KAT14: variants seen among roughly 807,000 people sequenced by gnomAD.
KAT14 encodes the protein lysine acetyltransferase 14.
A neutral mutation model predicts 78.4 loss-of-function variants in KAT14; 66 were observed. That is an observed-to-expected ratio of 0.84 (90% CI 0.69 to 1.03). KAT14 has a LOEUF of 1.03. Among genes scored for constraint, KAT14 ranks in the 50% least tolerant of loss-of-function variants. The pLI is 0.00. For missense variants in KAT14, 870 were observed against 972.5 expected (o/e 0.89, Z 1.40); for synonymous variants, 344 against 359.4 (o/e 0.96, Z 0.48).
At position 18,175,793 on chromosome 20, in the gene KAT14, C is replaced by T. The variant is rs2039016711; in HGVS notation, c.1669-5917C>T. Among the ~76,000 whole-genome samples, 3 of 151,716 alleles carry T rather than the reference C, an allele frequency of 2.0e-5. No homozygotes were observed. The South Asian group carries it at 6.3e-4, about 32-fold the overall frequency. ...CAGCACTTTGGGAGGCCAAGGCAGG[C>T]AGATCACTTGAGCTCAGGAGTTTGA... On this transcript the variant is annotated intron_variant, in intron 7 of 10. Transcript: ENST00000688188.
At chr20:18,153,235 A>T (rs1273811653) in intron 4 of KAT14, among the ~76,000 whole-genome samples, 1 of 152,058 alleles carries the variant, frequency 6.6e-6, no homozygotes, top group Non-Finnish European at 1.5e-5. Context: ...GGTAGTCAGA[A>T]GGAGGGTGAC....
At chr20:18,168,908 T>C (rs1400268339) in intron 7 of KAT14, among the ~76,000 whole-genome samples, 1 of 152,198 alleles carries the variant, frequency 6.6e-6, no homozygotes, top group Non-Finnish European at 1.5e-5. Flanking sequence ...CTTCTATTCC[T>C]TTCTGTCTTC....
chr20:18,160,854 A>G (rs967668575), intron 5 of KAT14, among the ~76,000 whole-genome samples: 2 of 152,106 alleles, frequency 1.3e-5, no homozygotes, highest in African/African-American at 4.8e-5. Context: ...CAAAATTTTA[A>G]TCAGGATTGC....
At chr20:18,141,023 A>ATTTTT (rs67633205) in intron 1 of KAT14, among the ~76,000 whole-genome samples, 654 of 48,394 alleles carry the variant, frequency 0.014, 6 homozygotes, top group African/African-American at 0.025. Flanking sequence ...ACTCCCTGCA[A>ATTTTT]TTTTTTTTTT....
At chr20:18,137,291 A>AATT (rs74179174), upstream of KAT14, among the ~76,000 whole-genome samples, 1 of 122,428 alleles carries the variant, frequency 8.2e-6, no homozygotes, top group Non-Finnish European at 1.7e-5. Context: ...TCTGTATCAA[A>AATT]ATTATAATAA....
chr20:18,180,675 A>C (rs1466237646), intron 7 of KAT14, among the ~76,000 whole-genome samples: 1 of 152,222 alleles, frequency 6.6e-6, no homozygotes, highest in Non-Finnish European at 1.5e-5. Flanking sequence ...CCTCAGAATC[A>C]TGGCAGGAGG....
Position 18,150,845 on chromosome 20 carries a change from T to C in KAT14, c.403T>C (p.Leu135=). ...GGTCGTCATGTTGGCAATGTACAAC[T>C]TGTCTCTGGAAGGAAGTGGACGTCA... ...QQVVMLAMYN[L]SLEGSGRQGY... The change falls in exon 4 of 11, where the codon TTG becomes CTG. Residue 135 remains leucine (L), a synonymous_variant. Coordinates refer to ENST00000688188, the MANE Select transcript of KAT14 (RefSeq NM_001392073.1). 6.2e-7 allele frequency: 1 copy of C among 1,614,104 alleles called. No homozygotes were observed. The highest frequency in any genetic ancestry group is 8.5e-7 in the Non-Finnish European group (1 of 1,179,964).
intron 7 of KAT14, among the ~76,000 whole-genome samples, chr20:18,172,124 CAG>C (rs2038865795): frequency 6.6e-6 from 1 of 151,696 alleles, no homozygotes; most frequent in South Asian, 2.1e-4. Context: ...TTATTTGAGA[CAG>C]AGTCTCACTC....
chr20:18,137,844 G>T, upstream of KAT14: 1 of 1,128,976 alleles, frequency 8.9e-7, no homozygotes, highest in South Asian at 2.0e-5. Flanking sequence ...GACGGCTGGG[G>T]CTCTGCGCTC....
intron 3 of KAT14, among the ~76,000 whole-genome samples, chr20:18,145,857 T>C (rs373077866): frequency 6.6e-6 from 1 of 152,196 alleles, no homozygotes; most frequent in Non-Finnish European, 1.5e-5. Flanking sequence ...ATTTCTTTTA[T>C]ATGTGATACC....
chr20:18,187,131 T>C (rs1189504280), intron 10 of KAT14, among the ~76,000 whole-genome samples, 155 bp from the exon 11 acceptor site: 1 of 152,228 alleles, frequency 6.6e-6, no homozygotes, highest in Non-Finnish European at 1.5e-5. Flanking sequence ...TCATTCTGTT[T>C]CCAGCTGTTG....
Position 18,184,772 on chromosome 20 carries a change from A to T in KAT14, c.2152A>T (p.Met718Leu). 6.2e-7 allele frequency: 1 copy of T among 1,608,134 alleles called. No homozygotes were observed. Among genetic ancestry groups the T allele is most frequent in the Non-Finnish European group, 8.5e-7 (1 of 1,178,226 alleles). ...GAGAAGAGCAGGGATTGCAACTTTC[A>T]TGATCTATCATCTGATTCAGGTAAG... is the stretch of plus-strand genomic sequence containing the variant. ...EWRRAGIATF[M>L]IYHLIQTCMG... Residue 718 changes from methionine (M) to leucine (L), a missense_variant, in exon 10 of 11, where the codon ATG becomes TTG. Coordinates refer to ENST00000688188, the MANE Select transcript of KAT14 (RefSeq NM_001392073.1).
intron 9 of KAT14, 28 bp downstream of exon 9, chr20:18,183,326 G>A (rs759723378): frequency 1.2e-6 from 2 of 1,604,248 alleles, no homozygotes; most frequent in Non-Finnish European, 1.7e-6. Context: ...AACCAGGCAG[G>A]TCATTTTTCT....
At chr20:18,165,523 C>G (rs924343779) in intron 7 of KAT14, among the ~76,000 whole-genome samples, 1 of 152,200 alleles carries the variant, frequency 6.6e-6, no homozygotes, top group Non-Finnish European at 1.5e-5. Flanking sequence ...GAGCATAGCC[C>G]TGCCCACACT....
chr20:18,186,941 AAGGTTATCATAGTGTT>A (rs1365017982), intron 10 of KAT14, among the ~76,000 whole-genome samples: 53 of 152,320 alleles, frequency 3.5e-4, no homozygotes, highest in African/African-American at 1.3e-3. Flanking sequence ...GTATTTATTC[AAGGTTATCATAGTGTT>A]AGGTATTGAA....
intron 7 of KAT14, among the ~76,000 whole-genome samples, chr20:18,172,341 C>A (rs1162617517): frequency 1.3e-5 from 2 of 151,840 alleles, no homozygotes; most frequent in Non-Finnish European, 2.9e-5. Context: ...ACCTCGTGAT[C>A]CGCCCGCCTC....
Position 18,138,321 on chromosome 20 carries a change from C to T in KAT14, c.-454+270C>T, listed in dbSNP as rs547790393. Reference sequence around the variant, plus strand: ...CCTTTGGAGCTCCGCGCTGAAGGGGCCTTGCTCCGCACAGGCACGGCACGC... The same window carrying T: ...CCTTTGGAGCTCCGCGCTGAAGGGGTCTTGCTCCGCACAGGCACGGCACGC... On this transcript the variant is annotated intron_variant, in intron 1 of 10. Transcript: ENST00000688188. 2.4e-5 allele frequency: 28 copies of T among 1,152,118 alleles called. No homozygotes were observed. In the South Asian group the frequency reaches 8.4e-4, roughly 34 times the overall value. 71.4% of individuals were successfully genotyped at this position (1,152,118 alleles called of 1,614,324 possible).
At chr20:18,168,542 T>C (rs575835791) in intron 7 of KAT14, among the ~76,000 whole-genome samples, 2 of 152,098 alleles carry the variant, frequency 1.3e-5, no homozygotes, top group African/African-American at 4.8e-5. Context: ...AAAAAAAATT[T>C]TTTTTGTTTC....
chr20:18,138,230 C>A, intron 1 of KAT14, 179 bp downstream of exon 1: 1 of 1,250,494 alleles, frequency 8.0e-7, no homozygotes, highest in East Asian at 3.3e-5. Context: ...GGGCTCCGGG[C>A]GCTGCAGCTC....
Sources: gnomAD v4.1 joint callset for allele counts (sites outside exome capture counted in the v4.1 genomes callset) on GRCh38, gnomAD v4.1.1 for gene constraint, MANE v1.5 for transcripts, NCBI Gene and HGNC (gene_info 2026-07-23, HGNC 2026-07-21) for gene names.